The following CGRRF1 variants were observed in gnomAD, a reference collection of about 807,000 sequenced individuals.
CGRRF1 encodes the protein cell growth regulator with ring finger domain 1.
CGRRF1 carries 32 observed loss-of-function variants against 37.2 expected under a neutral mutation model. The ratio of observed to expected loss-of-function variants is 0.86; its 90% CI spans 0.65 to 1.16. The LOEUF is 1.16. CGRRF1 is among the 50% of genes most tolerant of loss of function. The pLI is 0.00. For synonymous variants in CGRRF1, 141 were observed against 140.3 expected (o/e 1.00, Z -0.04); for missense variants, 391 against 382.6 (o/e 1.02, Z -0.18).
intron 1 of CGRRF1, among the ~76,000 whole-genome samples, chr14:54,513,566 TTTATGTTATGTTATGTTATG>T (rs150170270): frequency 0.053 from 7,760 of 146,638 alleles, 390 homozygotes; most frequent in East Asian, 0.29. Flanking sequence ...TGGACACAGT[TTTATGTTATGTTATGTTATG>T]TTATGTTATG....
intron 2 of CGRRF1, chr14:54,523,238 G>A (rs1460790428): frequency 6.5e-6 from 1 of 154,522 alleles, no homozygotes; most frequent in Non-Finnish European, 1.5e-5. Flanking sequence ...AAAGTGCTGG[G>A]ATTACAGGTG....
chr14:54,538,587 C>T lies in CGRRF1; in HGVS notation c.*204C>T. Reference sequence around the variant, plus strand: ...ATACTGGAATCCATCTGTGTTGATACATAAAAATTCATTCAACTCTTGAAA... The same window carrying T: ...ATACTGGAATCCATCTGTGTTGATATATAAAAATTCATTCAACTCTTGAAA... On this transcript the variant is annotated 3_prime_UTR_variant, in exon 6 of 6. Coordinates refer to ENST00000216420, the MANE Select transcript of CGRRF1 (RefSeq NM_006568.3). 5.3e-6 allele frequency: 2 copies of T among 380,516 alleles called. No individual in the cohort carries two copies. Among genetic ancestry groups the T allele is most frequent in the Non-Finnish European group, 9.3e-6 (2 of 213,928 alleles). 23.6% of individuals were successfully genotyped at this position (380,516 alleles called of 1,614,324 possible). A position where few individuals can be genotyped will look rare whatever the true frequency, so the allele number is the denominator to read the frequency against.
intron 2 of CGRRF1, 72 bp downstream of exon 2, chr14:54,522,665 C>T: frequency 7.3e-7 from 1 of 1,367,278 alleles, no homozygotes; most frequent in Non-Finnish European, 1.0e-6. Flanking sequence ...TTTTCTTTCT[C>T]TATTTCTTTC....
chr14:54,530,026 T>C (rs755184451), intron 2 of CGRRF1, 23 bp from the exon 3 acceptor site: 11 of 1,584,870 alleles, frequency 6.9e-6, no homozygotes, highest in South Asian at 2.2e-5. Flanking sequence ...TCACTTTCAT[T>C]CTTTCTCCTT....
Position 54,538,256 on chromosome 14 carries a change from A to G in CGRRF1, c.872A>G (p.His291Arg). 1 of 1,614,218 alleles carries G rather than the reference A, an allele frequency of 6.2e-7. No homozygotes were observed. Among genetic ancestry groups the G allele is most frequent in the East Asian group, 2.2e-5 (1 of 44,888 alleles). The stretch of plus-strand genomic sequence containing the variant: ...AACTGGGTACTCTTACCATGCAGAC[A>G]CACATGCCTGTGTGATGGCTGTGTG... ...TVNWVLLPCR[H>R]TCLCDGCVKY... The change falls in exon 6 of 6, where the codon CAC becomes CGC. Residue 291 changes from histidine to arginine, a missense_variant. By Grantham distance (29) the His-to-Arg change is conservative. Coordinates refer to ENST00000216420, the MANE Select transcript of CGRRF1 (RefSeq NM_006568.3).
At position 54,538,159 on chromosome 14, in the gene CGRRF1, C is replaced by A; in HGVS notation, c.775C>A (p.Leu259Ile). 6.2e-7 allele frequency: 1 copy of A among 1,614,138 alleles called. No individual in the cohort carries two copies. Among genetic ancestry groups the A allele is most frequent in the East Asian group, 2.2e-5 (1 of 44,884 alleles). The change falls in exon 6 of 6, where the codon CTC becomes ATC. Residue 259 changes from leucine to isoleucine, a missense_variant. Transcript: ENST00000216420. ...CAGAAGTTTGTTGGAAAAGGTGGGA[C>A]TCTCTGAAAGTGAAGTTGAGCCATC... Reference protein sequence around the residue: ...TDRSLLEKVGLSESEVEPSEE... With the variant: ...TDRSLLEKVGISESEVEPSEE...
intron 5 of CGRRF1, 35 bp downstream of exon 5, chr14:54,537,864 T>C: frequency 6.4e-7 from 1 of 1,571,998 alleles, no homozygotes; most frequent in Non-Finnish European, 8.6e-7. Context: ...CTCTGTCTCT[T>C]TTGTTTACAG....
intron 4 of CGRRF1, among the ~76,000 whole-genome samples, chr14:54,532,842 C>T (rs753406658): frequency 3.3e-5 from 5 of 152,034 alleles, no homozygotes; most frequent in Non-Finnish European, 5.9e-5. Context: ...CTCTCAGTTT[C>T]AGTTAGAGAT....
intron 3 of CGRRF1, 52 bp downstream of exon 3, chr14:54,530,278 G>T (rs772588432): frequency 2.1e-6 from 3 of 1,447,752 alleles, no homozygotes; most frequent in Non-Finnish European, 2.9e-6. Context: ...ACTTCTTATG[G>T]ATAAAGTGTT....
intron 1 of CGRRF1, among the ~76,000 whole-genome samples, chr14:54,517,528 T>C (rs917841851): frequency 1.6e-4 from 25 of 152,224 alleles, no homozygotes; most frequent in Non-Finnish European, 3.5e-4. Flanking sequence ...TTTTGTTTTG[T>C]TACTTTTCTC....
intron 4 of CGRRF1, among the ~76,000 whole-genome samples, chr14:54,535,618 G>T (rs950195853): frequency 6.6e-6 from 1 of 151,806 alleles, no homozygotes; most frequent in African/African-American, 2.4e-5. Context: ...TCTCCCCCTT[G>T]ATCTGTGAGG....
chr14:54,526,144 A>ATTTTTTTTT (rs745596386), intron 2 of CGRRF1, among the ~76,000 whole-genome samples: 1 of 107,066 alleles, frequency 9.3e-6, no homozygotes, highest in Non-Finnish European at 1.9e-5. Context: ...TATATTTAAG[A>ATTTTTTTTT]TTTTTTTTTT....
chr14:54,515,083 G>GTTTTT (rs1219713266), intron 1 of CGRRF1, among the ~76,000 whole-genome samples: 4 of 139,962 alleles, frequency 2.9e-5, no homozygotes, highest in East Asian at 2.1e-4. Context: ...TATTGGGTGA[G>GTTTTT]TTTTTTGTTT....
intron 1 of CGRRF1, among the ~76,000 whole-genome samples, chr14:54,520,669 T>A (rs2032301718): frequency 6.6e-6 from 1 of 152,262 alleles, no homozygotes; most frequent in Admixed American, 6.5e-5. Context: ...TTTATTCTTT[T>A]GTGTAAGGCT....
intron 2 of CGRRF1, among the ~76,000 whole-genome samples, chr14:54,528,596 A>G (rs994998397): frequency 2.6e-5 from 4 of 152,068 alleles, no homozygotes; most frequent in Non-Finnish European, 4.4e-5. Context: ...ATGTGGTTCT[A>G]CAGTGACAAA....
chr14:54,511,016 ATG>A (rs1251849274), intron 1 of CGRRF1, among the ~76,000 whole-genome samples: 1 of 152,262 alleles, frequency 6.6e-6, no homozygotes, highest in African/African-American at 2.4e-5. Context: ...TGAAAAATAA[ATG>A]GAGTTAAATG....
chr14:54,533,705 C>G (rs933425258), intron 4 of CGRRF1, among the ~76,000 whole-genome samples: 4 of 151,538 alleles, frequency 2.6e-5, no homozygotes, highest in African/African-American at 9.7e-5. Flanking sequence ...TTAGGAACCA[C>G]TTTGTTGTTT....
intron 2 of CGRRF1, among the ~76,000 whole-genome samples, chr14:54,529,178 G>C (rs1321201375): frequency 6.6e-6 from 1 of 152,118 alleles, no homozygotes; most frequent in Non-Finnish European, 1.5e-5. Flanking sequence ...GTGCCAAGGA[G>C]TACTACACGT....
chr14:54,515,126 G>A (rs2032194155), intron 1 of CGRRF1, among the ~76,000 whole-genome samples: 2 of 135,974 alleles, frequency 1.5e-5, no homozygotes, highest in Admixed American at 1.6e-4. Flanking sequence ...GTCTCGCTCT[G>A]TCACCAGGCT....
Sources: gnomAD v4.1 joint callset for allele counts (sites outside exome capture counted in the v4.1 genomes callset) on GRCh38, gnomAD v4.1.1 for gene constraint, MANE v1.5 for transcripts, NCBI Gene and HGNC (gene_info 2026-07-23, HGNC 2026-07-21) for gene names.